Variants in ADAM12 observed in about 807,000 individuals in gnomAD.
ADAM12 encodes disintegrin and metalloproteinase domain-containing protein 12.
Under a neutral mutation model 106.4 loss-of-function variants are expected in ADAM12, and 70 were observed. The observed-to-expected ratio is 0.66, with a 90% CI of 0.54 to 0.80. ADAM12 has a LOEUF of 0.80. Ranked by LOEUF, ADAM12 falls within the 30% of genes least tolerant of loss-of-function variation. The probability of loss-of-function intolerance (pLI) is 0.00; values close to 1 mark genes in which losing one functional copy is unlikely to be tolerated. For synonymous variants in ADAM12, 420 were observed against 433.5 expected, an observed-to-expected ratio of 0.97 and a Z score of 0.39; for missense variants, 1,010 against 1,171.9, an observed-to-expected ratio of 0.86 and a Z score of 2.02.
chr10:126,083,100 C>A (rs898321), intron 11 of ADAM12, among the ~76,000 whole-genome samples: 89,075 of 152,058 alleles, frequency 0.59, 26,291 homozygotes, highest in East Asian at 0.69. Context: ...AGGAGGTCAT[C>A]TCATTTTAGG....
chr10:126,364,702 T>C (rs1855852464), intron 1 of ADAM12, among the ~76,000 whole-genome samples: 3 of 151,782 alleles, frequency 2.0e-5, no homozygotes, highest in Admixed American at 1.3e-4. Flanking sequence ...AGAAGACAAA[T>C]CTTCAATAAC....
At chr10:126,378,434 T>C (rs1856370396) in intron 1 of ADAM12, among the ~76,000 whole-genome samples, 1 of 152,212 alleles carries the variant, frequency 6.6e-6, no homozygotes, top group Admixed American at 6.5e-5. Context: ...TTAAAAGGAA[T>C]GAACCAAGCA....
intron 5 of ADAM12, 87 bp downstream of exon 5, chr10:126,135,497 T>C: frequency 1.5e-6 from 2 of 1,327,992 alleles, no homozygotes; most frequent in Non-Finnish European, 2.2e-6. Context: ...TCACTCACTC[T>C]CAGTGCTTTA....
rs182091730 is a variant in ADAM12 at position 126,321,069 on chromosome 10, G to A, written c.186+9343C>T. 2.0e-4 allele frequency among the ~76,000 whole-genome samples: 31 copies of A among 152,176 alleles called. No homozygotes were observed. In the East Asian group the frequency reaches 5.8e-3, roughly 28 times the overall value. ...CCTTGCTTCCTGGGAACCTGACCTC[G>A]GGTCTCAAAGACAACAAGCATTCAT... On this transcript the variant is annotated intron_variant, in intron 2 of 22. Coordinates refer to ENST00000448723, the MANE Select transcript of ADAM12 (RefSeq NM_001288973.2).
chr10:126,176,427 A>G (rs1272905387), intron 3 of ADAM12, among the ~76,000 whole-genome samples: 1 of 152,238 alleles, frequency 6.6e-6, no homozygotes, highest in African/African-American at 2.4e-5. Context: ...AATAGAGTTT[A>G]CCGTCATTTT....
intron 6 of ADAM12, among the ~76,000 whole-genome samples, chr10:126,113,946 C>G (rs1266493963): frequency 1.3e-5 from 2 of 151,682 alleles, no homozygotes; most frequent in African/African-American, 4.8e-5. Context: ...AAGTGTCCAT[C>G]GCCAGCAATA....
At chr10:126,311,592 C>T (rs4962551) in intron 2 of ADAM12, among the ~76,000 whole-genome samples, 133,112 of 152,050 alleles carry the variant, frequency 0.88, 58,408 homozygotes, top group Middle Eastern at 0.92. Flanking sequence ...GAACTTCCAG[C>T]CCACCCCCAT....
At chr10:126,165,340 C>T (rs1449442200) in intron 3 of ADAM12, among the ~76,000 whole-genome samples, 2 of 152,128 alleles carry the variant, frequency 1.3e-5, no homozygotes, top group African/African-American at 4.8e-5. Context: ...GTTAATTTTC[C>T]GTAGTTTTAG....
At chr10:126,109,964 C>A in intron 6 of ADAM12, 124 bp from the exon 7 acceptor site, 7 of 779,614 alleles carry the variant, frequency 9.0e-6, no homozygotes, top group Non-Finnish European at 1.4e-5. Flanking sequence ...CAGGCCCCCA[C>A]ACCTCCATTC....
chr10:126,264,895 A>C (rs1959068834), intron 3 of ADAM12, among the ~76,000 whole-genome samples: 1 of 152,154 alleles, frequency 6.6e-6, no homozygotes, highest in Non-Finnish European at 1.5e-5. Flanking sequence ...GCCAGATGTG[A>C]GGATGCCTTT....
At chr10:126,358,788 A>G (rs987906164) in intron 1 of ADAM12, among the ~76,000 whole-genome samples, 1 of 152,228 alleles carries the variant, frequency 6.6e-6, no homozygotes, top group Non-Finnish European at 1.5e-5. Flanking sequence ...GAATAAACAA[A>G]TTCAGTAAAA....
At chr10:126,281,384 G>C (rs990150112) in intron 2 of ADAM12, among the ~76,000 whole-genome samples, 1 of 152,134 alleles carries the variant, frequency 6.6e-6, no homozygotes, top group Non-Finnish European at 1.5e-5. Context: ...TTCTATATGT[G>C]AATAAAAATA....
At chr10:126,060,766 G>A (rs1954737176) in intron 14 of ADAM12, among the ~76,000 whole-genome samples, 1 of 152,208 alleles carries the variant, frequency 6.6e-6, no homozygotes, top group Admixed American at 6.5e-5. Context: ...AGGATATTGT[G>A]AAGGATTCAC....
At chr10:126,170,042 A>G (rs1957091110) in intron 3 of ADAM12, among the ~76,000 whole-genome samples, 2 of 152,212 alleles carry the variant, frequency 1.3e-5, no homozygotes, top group South Asian at 4.1e-4. Flanking sequence ...TTACCCACCC[A>G]GCTCGGTGAA....
intron 4 of ADAM12, among the ~76,000 whole-genome samples, chr10:126,147,855 C>T (rs1201072544): frequency 6.6e-6 from 1 of 152,242 alleles, no homozygotes; most frequent in Non-Finnish European, 1.5e-5. Flanking sequence ...CATAAGGGGG[C>T]ATGTGAACAG....
chr10:126,086,143 G>A (rs959751224), intron 11 of ADAM12, among the ~76,000 whole-genome samples: 5 of 152,062 alleles, frequency 3.3e-5, no homozygotes, highest in South Asian at 2.1e-4. Flanking sequence ...ATTGAAGGAG[G>A]TTTGCAGAAT....
At chr10:126,178,103 C>T (rs894616974) in intron 3 of ADAM12, among the ~76,000 whole-genome samples, 1 of 152,034 alleles carries the variant, frequency 6.6e-6, no homozygotes, top group South Asian at 2.1e-4. Context: ...GTGTCAATAT[C>T]TTAGCATCTA....
intron 11 of ADAM12, among the ~76,000 whole-genome samples, chr10:126,088,707 A>G (rs1955404621): frequency 9.4e-6 from 1 of 105,874 alleles, no homozygotes; most frequent in African/African-American, 4.4e-5. Context: ...GAGAGACTAC[A>G]TCTCAAAAAA....
chr10:126,354,034 CTT>C (rs34474316), intron 1 of ADAM12, among the ~76,000 whole-genome samples: 20 of 144,794 alleles, frequency 1.4e-4, no homozygotes, highest in Non-Finnish European at 1.4e-4. Context: ...TGTTAACAAG[CTT>C]TTTTTTTTTT....
Sources: gnomAD v4.1 joint callset for allele counts (sites outside exome capture counted in the v4.1 genomes callset) on GRCh38, gnomAD v4.1.1 for gene constraint, MANE v1.5 for transcripts, NCBI Gene and HGNC (gene_info 2026-07-23, HGNC 2026-07-21) for gene names.